The following ACVR1B variants were observed in gnomAD, a reference collection of about 807,000 sequenced individuals.
ACVR1B encodes activin receptor type-1B.
ACVR1B carries 15 observed loss-of-function variants against 55.6 expected under a neutral mutation model. The observed-to-expected ratio is 0.27, with a 90% confidence interval of 0.18 to 0.42. ACVR1B has a LOEUF of 0.42. Among genes scored for constraint, ACVR1B ranks in the 10% least tolerant of loss-of-function variants. The pLI is 1.00. For synonymous variants in ACVR1B, 247 were observed against 254.6 expected, an observed-to-expected ratio of 0.97 and a Z score of 0.28; for missense variants, 359 against 670.1, an observed-to-expected ratio of 0.54 and a Z score of 5.13.
In ACVR1B at chr12:51,976,409, G is replaced by C. The variant is rs1309746130; in HGVS notation, c.414G>C (p.Leu138=). The C allele has an allele frequency of 6.2e-7, 1 of 1,614,132 alleles. No homozygotes were observed. The highest frequency in any genetic ancestry group is 8.5e-7 in the Non-Finnish European group (1 of 1,180,028). The change falls in exon 3 of 9, where the codon CTG becomes CTC. Residue 138 remains leucine (L), a synonymous_variant. Transcript: ENST00000257963. ...TCATCGCCGGCCCGGTGTTCCTCCT[G>C]TTCCTCATCATCATCATTGTTTTCC... ...VGIIAGPVFL[L]FLIIIIVFLV...
intron 4 of ACVR1B, chr12:51,982,886 C>A: frequency 7.4e-7 from 1 of 1,355,600 alleles, no homozygotes; most frequent in Non-Finnish European, 9.6e-7. Context: ...CAAATCATGT[C>A]TTCTCTTTGA....
At chr12:51,967,163 C>A (rs1941657822) in intron 1 of ACVR1B, among the ~76,000 whole-genome samples, 1 of 151,882 alleles carries the variant, frequency 6.6e-6, no homozygotes, top group Non-Finnish European at 1.5e-5. Context: ...TGGCATGAAC[C>A]CAGGAGGCAG....
intron 1 of ACVR1B, among the ~76,000 whole-genome samples, chr12:51,971,367 G>A (rs575185148): frequency 3.9e-5 from 6 of 152,214 alleles, no homozygotes; most frequent in Non-Finnish European, 8.8e-5. Flanking sequence ...TGCAAGTAGG[G>A]CTTTTGTTCT....
intron 1 of ACVR1B, among the ~76,000 whole-genome samples, chr12:51,961,412 C>T (rs1192449280): frequency 2.6e-5 from 4 of 152,184 alleles, no homozygotes; most frequent in Non-Finnish European, 5.9e-5. Flanking sequence ...TTTAAACCTA[C>T]TCAAAAAATG....
At chr12:51,990,286 TCACA>T (rs202177119) in intron 7 of ACVR1B, among the ~76,000 whole-genome samples, 3 of 138,676 alleles carry the variant, frequency 2.2e-5, no homozygotes, top group Non-Finnish European at 4.6e-5. Context: ...AGAGTGAAAC[TCACA>T]CACACACACA....
chr12:51,986,542 G>C (rs1173223732), intron 6 of ACVR1B, among the ~76,000 whole-genome samples: 1 of 152,236 alleles, frequency 6.6e-6, no homozygotes, highest in Non-Finnish European at 1.5e-5. Context: ...TTACAGGCGT[G>C]AGCCACCGCA....
At chr12:51,986,351 C>T (rs899367914) in intron 6 of ACVR1B, among the ~76,000 whole-genome samples, 6 of 152,318 alleles carry the variant, frequency 3.9e-5, no homozygotes, top group Middle Eastern at 3.4e-3. Context: ...CTCCGCCTCC[C>T]GGGTTCAAGT....
intron 7 of ACVR1B, among the ~76,000 whole-genome samples, chr12:51,988,077 C>T (rs1942117012): frequency 6.6e-6 from 1 of 152,204 alleles, no homozygotes; most frequent in African/African-American, 2.4e-5. Flanking sequence ...TTCCAGCTTC[C>T]ATTTATGACA....
chr12:51,974,364 A>C (rs1203990559), intron 1 of ACVR1B, among the ~76,000 whole-genome samples: 1 of 152,222 alleles, frequency 6.6e-6, no homozygotes, highest in Non-Finnish European at 1.5e-5. Context: ...TTCAGATTCC[A>C]GGGCTGCTGA....
In ACVR1B at chr12:51,953,281, C is replaced by G. The variant is rs575961637; in HGVS notation, c.91+1447C>G. The G allele has an allele frequency of 1.1e-5, 10 of 935,446 alleles. No individual in the cohort carries two copies. In the South Asian group the frequency reaches 4.4e-4, roughly 41 times the overall value. 57.9% of individuals were successfully genotyped at this position (935,446 alleles called of 1,614,324 possible). ...AAACCAGACAGTCAAGAAAAGACAC[C>G]ATGCCACTTTGGAATCTCAAAAACA... On this transcript the variant is annotated intron_variant, in intron 1 of 8. Transcript: ENST00000257963.
In ACVR1B at chr12:51,994,232, C is replaced by CA; in HGVS notation, c.*122_*123insA. 1 of 1,430,690 alleles carries CA rather than the reference C, an allele frequency of 7.0e-7. No homozygotes were observed. The highest frequency in any genetic ancestry group is 9.4e-7 in the Non-Finnish European group (1 of 1,060,830). 88.6% of individuals were successfully genotyped at this position (1,430,690 alleles called of 1,614,324 possible). ...GCCCTCTGTGGCCAGGAGCCCTGGCCCGCAAGAGGGACAGAGCCCGGGAGA... is the reference window on the plus strand; with the variant it reads ...GCCCTCTGTGGCCAGGAGCCCTGGCCACGCAAGAGGGACAGAGCCCGGGAGA... On this transcript the variant is annotated 3_prime_UTR_variant, in exon 9 of 9. Transcript: ENST00000257963. This position sits in a 1 kb window ranked among gnomAD's most constrained non-coding sequence, Gnocchi z 4.2.
At chr12:51,982,156 C>T (rs182352587) in intron 4 of ACVR1B, among the ~76,000 whole-genome samples, 9 of 152,082 alleles carry the variant, frequency 5.9e-5, no homozygotes, top group Non-Finnish European at 1.3e-4. Flanking sequence ...GGGGCTGACT[C>T]GCACCTGAGC....
Position 51,986,959 on chromosome 12 carries a change from C to T in ACVR1B, c.1261+17C>T, listed in dbSNP as rs377740431. The T allele has an allele frequency of 2.0e-5, 32 of 1,613,946 alleles. No homozygotes were observed. The highest frequency in any genetic ancestry group is 1.6e-4 in the African/African-American group (12 of 74,896). ...ATTCTGGAGGTACCTTTCTTTTTTG[C>T]CTTTGCTCCTACCTCCCATTCCAGG... On this transcript the variant is annotated intron_variant, in intron 7 of 8. Transcript: ENST00000257963.
intron 3 of ACVR1B, among the ~76,000 whole-genome samples, chr12:51,977,896 C>G (rs1296633840): frequency 8.0e-5 from 12 of 149,918 alleles, no homozygotes. Flanking sequence ...CCACAAAGAT[C>G]ACTGTTGCCA....
At chr12:51,981,356 GC>G (rs1262673572) in intron 4 of ACVR1B, among the ~76,000 whole-genome samples, 157 bp downstream of exon 4, 1 of 152,146 alleles carries the variant, frequency 6.6e-6, no homozygotes, top group East Asian at 1.9e-4. Context: ...AAAGTGTGGA[GC>G]CTTTTATTCC....
chr12:51,975,192 A>G (rs750772733), intron 1 of ACVR1B, 73 bp from the exon 2 acceptor site: 36 of 1,556,248 alleles, frequency 2.3e-5, no homozygotes, highest in Non-Finnish European at 6.9e-6. Context: ...AAGGGATTAT[A>G]TTCTAAGTTT....
intron 1 of ACVR1B, among the ~76,000 whole-genome samples, chr12:51,952,796 A>C (rs1941329414): frequency 6.6e-6 from 1 of 151,390 alleles, no homozygotes; most frequent in Non-Finnish European, 1.5e-5. Context: ...ACCTTCCTAC[A>C]CGATGCCTCT....
chr12:51,990,008 T>C (rs1942158525), intron 7 of ACVR1B, among the ~76,000 whole-genome samples: 1 of 150,530 alleles, frequency 6.6e-6, no homozygotes, highest in South Asian at 2.1e-4. Flanking sequence ...AAATGAACAT[T>C]AGGGGTCAGG....
chr12:51,962,358 TTTGTTG>T (rs760742923), intron 1 of ACVR1B, among the ~76,000 whole-genome samples: 5 of 152,200 alleles, frequency 3.3e-5, no homozygotes, highest in South Asian at 2.1e-4. Flanking sequence ...TACCAGTACA[TTTGTTG>T]TTGTTGTTGT....
Sources: allele counts gnomAD v4.1 joint callset (sites outside exome capture counted in the v4.1 genomes callset), GRCh38; gene constraint gnomAD v4.1.1; non-coding constraint Gnocchi (gnomAD v3.1); transcripts MANE v1.5; gene names NCBI Gene and HGNC (gene_info 2026-07-23, HGNC 2026-07-21).